The following CCDC33 variants were observed in gnomAD, a reference collection of about 807,000 sequenced individuals.
The protein encoded by CCDC33 is coiled-coil domain-containing protein 33.
In CCDC33, 94 loss-of-function variants were observed where a neutral mutation model predicts 91.9. That is an observed-to-expected ratio of 1.02 (90% CI 0.87 to 1.21). The LOEUF (loss-of-function observed/expected upper bound fraction) is 1.21. CCDC33 is among the 50% of genes most tolerant of loss of function. The pLI is 0.00. For synonymous variants in CCDC33, 396 were observed against 374.5 expected (o/e 1.06, Z -0.66); for missense variants, 940 against 935.5 (o/e 1.00, Z -0.06).
chr15:74,265,552 T>C (rs976211168), intron 3 of CCDC33, among the ~76,000 whole-genome samples: 3 of 152,214 alleles, frequency 2.0e-5, no homozygotes, highest in Non-Finnish European at 2.9e-5. Flanking sequence ...CTGAGCTCCA[T>C]TGTTCATATT....
chr15:74,207,566 G>T, intron 1 of CCDC33: 2 of 868,514 alleles, frequency 2.3e-6, no homozygotes, highest in Admixed American at 2.2e-5. Flanking sequence ...CTCAGCCCTT[G>T]ACTCTGAGTC....
At chr15:74,228,732 C>T (rs781694765) in intron 2 of CCDC33, among the ~76,000 whole-genome samples, 4 of 152,206 alleles carry the variant, frequency 2.6e-5, no homozygotes, top group Admixed American at 6.5e-5. Flanking sequence ...TTTTTGTCGG[C>T]GGGTGTTCCT....
chr15:74,250,252 G>A (rs1282954025), intron 2 of CCDC33, among the ~76,000 whole-genome samples: 1 of 152,152 alleles, frequency 6.6e-6, no homozygotes, highest in Non-Finnish European at 1.5e-5. Context: ...ATTGGGTACT[G>A]TGGTGCCATA....
intron 1 of CCDC33, chr15:74,209,029 C>A (rs1595871155): frequency 1.3e-5 from 15 of 1,127,882 alleles, no homozygotes; most frequent in Non-Finnish European, 1.6e-5. Flanking sequence ...GGTGTTTGAT[C>A]TGCTCCTCCC....
chr15:74,260,340 C>A (rs1418642343), intron 2 of CCDC33, among the ~76,000 whole-genome samples: 1 of 152,208 alleles, frequency 6.6e-6, no homozygotes, highest in Non-Finnish European at 1.5e-5. Context: ...GTCCATTCTG[C>A]AGAGCCTGCA....
chr15:74,208,569 A>T (rs2074314601), intron 1 of CCDC33, among the ~76,000 whole-genome samples: 1 of 152,090 alleles, frequency 6.6e-6, no homozygotes, highest in African/African-American at 2.4e-5. Flanking sequence ...GGACTCTGCG[A>T]ATGTCTCCTG....
At chr15:74,280,845 G>A (rs1027836772) in intron 9 of CCDC33, 44 bp downstream of exon 9, 17 of 1,401,734 alleles carry the variant, frequency 1.2e-5, no homozygotes, top group Non-Finnish European at 1.6e-5. Flanking sequence ...TGCCCACCTG[G>A]CCCCACCCTG....
intron 11 of CCDC33, among the ~76,000 whole-genome samples, chr15:74,308,327 G>A (rs117655408): frequency 0.013 from 1,991 of 147,908 alleles, 23 homozygotes; most frequent in Middle Eastern, 0.062. Flanking sequence ...ACACGGACTA[G>A]AAAAGCCCAG....
chr15:74,240,603 CT>C (rs1207221980), intron 1 of CCDC33, among the ~76,000 whole-genome samples: 7 of 151,936 alleles, frequency 4.6e-5, no homozygotes, highest in African/African-American at 1.4e-4. Context: ...AAACCTAGGT[CT>C]TTTTTTTGTT....
chr15:74,259,966 C>T (rs2075975931), intron 2 of CCDC33, among the ~76,000 whole-genome samples: 1 of 152,234 alleles, frequency 6.6e-6, no homozygotes, highest in African/African-American at 2.4e-5. Flanking sequence ...TCCTGACACA[C>T]CCTTGGCGCT....
At position 74,280,729 on chromosome 15, in the gene CCDC33, G is replaced by T. The variant is rs1339014293; in HGVS notation, c.951G>T (p.Lys317Asn). The change falls in exon 9 of 19, where the codon AAG becomes AAT. Residue 317 changes from lysine (K) to asparagine (N), a missense_variant. Coordinates refer to ENST00000398814, the MANE Select transcript of CCDC33 (RefSeq NM_025055.5). Reference sequence around the variant, plus strand: ...TGGGCATCTCTGTGTTGCCGCTAAAGAGCCGTTTGTACCAGAAGATGCTGA... The same window carrying T: ...TGGGCATCTCTGTGTTGCCGCTAAATAGCCGTTTGTACCAGAAGATGCTGA... ...QPLGISVLPL[K>N]SRLYQKMLTG... The T allele has an allele frequency of 3.8e-6, 6 of 1,576,798 alleles. No individual in the cohort carries two copies. Among genetic ancestry groups the T allele is most frequent in the Non-Finnish European group, 5.2e-6 (6 of 1,161,284 alleles).
chr15:74,297,114 A>G (rs1035630437), intron 11 of CCDC33, among the ~76,000 whole-genome samples: 2 of 152,174 alleles, frequency 1.3e-5, no homozygotes, highest in African/African-American at 2.4e-5. Context: ...TCTGCTGGGC[A>G]TGCCCAGGGT....
In CCDC33 at chr15:74,272,707, G is replaced by A. The variant is rs1018404114; in HGVS notation, c.639-64G>A. The A allele has an allele frequency of 9.4e-6, 15 of 1,590,836 alleles. No homozygotes were observed. The Admixed American group carries it at 1.4e-4, about 15-fold the overall frequency. On this transcript the variant is annotated intron_variant, in intron 6 of 18. Coordinates refer to ENST00000398814, the MANE Select transcript of CCDC33 (RefSeq NM_025055.5). ...CATCAACCCAGAGTCTAAGCGGGGG[G>A]CCCTGGGCTGCCAGGCTCAGGTGCA...
At chr15:74,331,141 C>T (rs778999957) in intron 14 of CCDC33, 29 bp downstream of exon 14, 1 of 1,613,502 alleles carries the variant, frequency 6.2e-7, no homozygotes, top group Non-Finnish European at 8.5e-7. Flanking sequence ...GCCCCCGAGG[C>T]CAACTGATGA....
At position 74,268,840 on chromosome 15, in the gene CCDC33, C is replaced by T. The variant is rs8029548; in HGVS notation, c.546+382C>T. On this transcript the variant is annotated intron_variant, in intron 5 of 18. Transcript: ENST00000398814. Reference sequence around the variant, plus strand: ...CCGTGCTCCCCCTGAGCCCACAGCCCAGCAGTTTCCTGCTCTATTCTTCCC... The same window carrying T: ...CCGTGCTCCCCCTGAGCCCACAGCCTAGCAGTTTCCTGCTCTATTCTTCCC... Among the ~76,000 whole-genome samples the T allele has an allele frequency of 9.5e-3, 1,445 of 152,318 alleles. 24 individuals carry two copies. The highest frequency in any genetic ancestry group is 0.033 in the African/African-American group (1,386 of 41,566).
At chr15:74,246,375 A>C (rs1376400905) in intron 2 of CCDC33, among the ~76,000 whole-genome samples, 1 of 152,244 alleles carries the variant, frequency 6.6e-6, no homozygotes, top group Non-Finnish European at 1.5e-5. Context: ...CCACAAAACA[A>C]AAAGGCAGCC....
chr15:74,213,113 G>C (rs2074383868), upstream of CCDC33: 1 of 152,074 alleles, frequency 6.6e-6, no homozygotes, highest in African/African-American at 2.4e-5. Flanking sequence ...CTACTTGGGA[G>C]GCTGAGGCAG....
chr15:74,335,076 C>T lies in CCDC33; in HGVS notation c.2127C>T (p.Ile709=). ...KGFRHPSNSI[I]IEQPSALTHS... ...TCAGGCACCCCTCGAACTCCATCATCATAGAACAGCCTGTGAGTGACCCCC... is the reference window on the plus strand; with the variant it reads ...TCAGGCACCCCTCGAACTCCATCATTATAGAACAGCCTGTGAGTGACCCCC... Residue 709 remains isoleucine (I), a synonymous_variant, in exon 18 of 19, where the codon ATC becomes ATT. Transcript: ENST00000398814. The T allele has an allele frequency of 6.2e-7, 1 of 1,613,632 alleles. No individual in the cohort carries two copies.
intron 2 of CCDC33, among the ~76,000 whole-genome samples, chr15:74,210,370 C>T (rs1469516232): frequency 1.3e-5 from 2 of 152,198 alleles, no homozygotes; most frequent in Non-Finnish European, 2.9e-5. Flanking sequence ...ATTCTCTGGA[C>T]TGACGTGGCA....
Sources: gnomAD v4.1 joint callset for allele counts (sites outside exome capture counted in the v4.1 genomes callset) on GRCh38, gnomAD v4.1.1 for gene constraint, MANE v1.5 for transcripts, NCBI Gene and HGNC (gene_info 2026-07-23, HGNC 2026-07-21) for gene names.